PRORP: variants seen among roughly 807,000 people sequenced by gnomAD.
The protein encoded by PRORP is mitochondrial ribonuclease P catalytic subunit.
A neutral mutation model predicts 59.4 loss-of-function variants in PRORP; 51 were observed. The ratio of observed to expected loss-of-function variants is 0.86; its 90% CI spans 0.69 to 1.08. The LOEUF is 1.08. PRORP is among the 50% of genes least tolerant of loss of function. The probability of loss-of-function intolerance (pLI) is 0.00; values close to 1 mark genes in which losing one functional copy is unlikely to be tolerated. For synonymous variants in PRORP, 231 were observed against 245.6 expected (o/e 0.94, Z 0.55); for missense variants, 646 against 690.3 (o/e 0.94, Z 0.72).
At chr14:35,134,259 G>A (rs1467564412) in intron 4 of PRORP, among the ~76,000 whole-genome samples, 3 of 152,018 alleles carry the variant, frequency 2.0e-5, no homozygotes, top group Non-Finnish European at 2.9e-5. Context: ...TGTGGCCACC[G>A]CCACCACCAG....
At position 35,165,686 on chromosome 14, in the gene PRORP, G is replaced by GT. The variant is rs147933217; in HGVS notation, c.1168-14974dup. ...TGTCATGTGCCCTTTAAAATGTAAG[G>GT]TTTTTTTTTTGGAGACAGAGTCTTG... On this transcript the variant is annotated intron_variant, in intron 4 of 7. Coordinates refer to ENST00000534898, the MANE Select transcript of PRORP (RefSeq NM_014672.4). 6.3e-4 allele frequency among the ~76,000 whole-genome samples: 94 copies of GT among 148,310 alleles called. 1 individual carries two copies. In the Middle Eastern group the frequency reaches 0.014, roughly 22 times the overall value.
chr14:35,148,658 C>T (rs2047667836), intron 4 of PRORP, among the ~76,000 whole-genome samples: 1 of 152,136 alleles, frequency 6.6e-6, no homozygotes, highest in Non-Finnish European at 1.5e-5. Flanking sequence ...GTTTTGAAGT[C>T]AAGCATTGAC....
At chr14:35,150,558 C>A (rs948270268) in intron 4 of PRORP, among the ~76,000 whole-genome samples, 1 of 152,164 alleles carries the variant, frequency 6.6e-6, no homozygotes, top group African/African-American at 2.4e-5. Context: ...CTAGCAGTGG[C>A]CTTCCCAATG....
chr14:35,252,872 A>G (rs17457389), intron 5 of PRORP, among the ~76,000 whole-genome samples: 9,270 of 152,186 alleles, frequency 0.061, 369 homozygotes, highest in Middle Eastern at 0.11. Flanking sequence ...CTTCCATCTC[A>G]GTGGCAAGAG....
At chr14:35,228,393 A>T (rs1485888741) in intron 5 of PRORP, among the ~76,000 whole-genome samples, 1 of 152,154 alleles carries the variant, frequency 6.6e-6, no homozygotes, top group Non-Finnish European at 1.5e-5. Flanking sequence ...ATTACGAATG[A>T]TCCCCTCACC....
At chr14:35,129,678 A>G (rs2138792624) in intron 4 of PRORP, among the ~76,000 whole-genome samples, 1 of 151,576 alleles carries the variant, frequency 6.6e-6, no homozygotes, top group Middle Eastern at 3.4e-3. Context: ...ACAGGGTTTC[A>G]CCATGTTGGT....
At chr14:35,268,199 C>T (rs935663122) in intron 6 of PRORP, among the ~76,000 whole-genome samples, 1 of 151,874 alleles carries the variant, frequency 6.6e-6, no homozygotes, top group Non-Finnish European at 1.5e-5. Context: ...ATACGATTAG[C>T]CAGATGTGGT....
At chr14:35,185,889 G>A (rs932913593) in intron 5 of PRORP, among the ~76,000 whole-genome samples, 4 of 152,112 alleles carry the variant, frequency 2.6e-5, no homozygotes, top group African/African-American at 9.7e-5. Flanking sequence ...CAAGATTATG[G>A]TATGAACTAT....
At chr14:35,268,342 CAA>C (rs769701565) in intron 6 of PRORP, among the ~76,000 whole-genome samples, 1 of 50,886 alleles carries the variant, frequency 2.0e-5, no homozygotes, top group Admixed American at 2.1e-4. Flanking sequence ...GAGACTGTCT[CAA>C]AAAAAAAAAA....
intron 4 of PRORP, among the ~76,000 whole-genome samples, chr14:35,177,465 G>C (rs531056266): frequency 4.5e-4 from 68 of 152,214 alleles, no homozygotes; most frequent in African/African-American, 1.6e-3. Context: ...TCCTGGTTTA[G>C]TCTTGGGAGG....
intron 5 of PRORP, among the ~76,000 whole-genome samples, chr14:35,189,864 A>C (rs992770961): frequency 6.6e-6 from 1 of 152,188 alleles, no homozygotes; most frequent in Non-Finnish European, 1.5e-5. Flanking sequence ...TAATTCCAGC[A>C]CTTTGGGAGG....
chr14:35,133,067 T>G (rs74970204), intron 4 of PRORP, among the ~76,000 whole-genome samples: 58,117 of 151,734 alleles, frequency 0.38, 11,385 homozygotes, highest in Middle Eastern at 0.47. Context: ...GATTACAGGT[T>G]CACGTCACCA....
In PRORP at chr14:35,196,566, CT is replaced by C. The variant is rs376888201; in HGVS notation, c.1275+15790del. Among the ~76,000 whole-genome samples the C allele has an allele frequency of 1.5e-3, 233 of 152,266 alleles. 1 individual carries two copies. Among genetic ancestry groups the C allele is most frequent in the African/African-American group, 5.5e-3 (227 of 41,540 alleles). On this transcript the variant is annotated intron_variant, in intron 5 of 7. Coordinates refer to ENST00000534898, the MANE Select transcript of PRORP (RefSeq NM_014672.4). ...ATGACTCCTTAGTTTTAAGGAGTTA[CT>C]GCTGGGTAGTCAAGGGTGATATAAG...
chr14:35,164,645 G>C (rs1474393180), intron 4 of PRORP, among the ~76,000 whole-genome samples: 1 of 152,056 alleles, frequency 6.6e-6, no homozygotes, highest in Non-Finnish European at 1.5e-5. Context: ...GAGGGGGTGG[G>C]GTATGGGTTG....
intron 5 of PRORP, among the ~76,000 whole-genome samples, chr14:35,206,629 A>C (rs1444540553): frequency 6.6e-6 from 1 of 152,196 alleles, no homozygotes; most frequent in Non-Finnish European, 1.5e-5. Context: ...CCATAAGTCT[A>C]TAGACTAGCA....
chr14:35,249,724 G>C (rs2050567657), intron 5 of PRORP, among the ~76,000 whole-genome samples: 1 of 152,060 alleles, frequency 6.6e-6, no homozygotes, highest in Non-Finnish European at 1.5e-5. Flanking sequence ...AACGCTATGT[G>C]GGTTACCTGT....
At chr14:35,238,302 T>A (rs2050272343) in intron 5 of PRORP, among the ~76,000 whole-genome samples, 1 of 152,182 alleles carries the variant, frequency 6.6e-6, no homozygotes, top group Admixed American at 6.5e-5. Context: ...CATTTGTAAT[T>A]CCCAAACCCA....
intron 5 of PRORP, among the ~76,000 whole-genome samples, chr14:35,236,399 A>T (rs1419587506): frequency 6.6e-6 from 1 of 151,862 alleles, no homozygotes; most frequent in African/African-American, 2.4e-5. Context: ...CCTCATCTAA[A>T]CCTCTCAAAA....
chr14:35,228,227 G>T (rs181669455), intron 5 of PRORP, among the ~76,000 whole-genome samples: 150 of 152,292 alleles, frequency 9.8e-4, no homozygotes, highest in Non-Finnish European at 1.3e-3. Flanking sequence ...CAGCCATTGA[G>T]CATTATTGCC....
Sources: gnomAD v4.1 joint callset for allele counts (sites outside exome capture counted in the v4.1 genomes callset) on GRCh38, gnomAD v4.1.1 for gene constraint, MANE v1.5 for transcripts, NCBI Gene and HGNC (gene_info 2026-07-23, HGNC 2026-07-21) for gene names.